TNFSF4: variants seen among roughly 807,000 people sequenced by gnomAD.
TNFSF4 encodes TNF superfamily member 4.
A neutral mutation model predicts 7.3 loss-of-function variants in TNFSF4; 4 were observed. The ratio of observed to expected loss-of-function variants is 0.55; its 90% CI spans 0.27 to 1.25. The LOEUF is 1.25. Among genes scored for constraint, TNFSF4 ranks in the 50% most tolerant of loss-of-function variants. The pLI is 0.12. For synonymous variants in TNFSF4, 76 were observed against 83.7 expected (o/e 0.91, Z 0.50); for missense variants, 181 against 208.8 (o/e 0.87, Z 0.82).
the TNFSF4 span, among the ~76,000 whole-genome samples, chr1:173,313,512 T>C: frequency 3.3e-5 from 5 of 152,120 alleles, no homozygotes; most frequent in Admixed American, 6.6e-5. Context: ...GTATATTTTA[T>C]CATCTCTCAT....
chr1:173,423,583 C>A, the TNFSF4 span, among the ~76,000 whole-genome samples: 2 of 152,150 alleles, frequency 1.3e-5, no homozygotes, highest in Non-Finnish European at 2.9e-5. Context: ...GGAAAGAAGT[C>A]CCCTAGGAAG....
chr1:173,260,405 C>A, the TNFSF4 span, among the ~76,000 whole-genome samples: 1 of 152,242 alleles, frequency 6.6e-6, no homozygotes, highest in African/African-American at 2.4e-5. Context: ...GTAGGCAGAC[C>A]AATGACACTA....
chr1:173,335,908 A>T, the TNFSF4 span, among the ~76,000 whole-genome samples: 2 of 152,218 alleles, frequency 1.3e-5, no homozygotes, highest in Non-Finnish European at 2.9e-5. Flanking sequence ...GGACTACTGA[A>T]CACTGGTTCT....
the TNFSF4 span, among the ~76,000 whole-genome samples, chr1:173,226,328 T>TA: frequency 3.3e-5 from 5 of 152,332 alleles, no homozygotes; most frequent in Admixed American, 3.3e-4. Flanking sequence ...GGGGATGTGA[T>TA]ATGTACACAC....
the TNFSF4 span, among the ~76,000 whole-genome samples, chr1:173,443,176 G>T: frequency 6.6e-6 from 1 of 152,176 alleles, no homozygotes; most frequent in African/African-American, 2.4e-5. Flanking sequence ...ATGTGGTTAT[G>T]CAGAAAAGAT....
chr1:173,371,626 C>T, the TNFSF4 span, among the ~76,000 whole-genome samples: 1 of 152,040 alleles, frequency 6.6e-6, no homozygotes, highest in Non-Finnish European at 1.5e-5. Context: ...TGCAACAGTC[C>T]CTGCCACACC....
intron 1 of TNFSF4, among the ~76,000 whole-genome samples, chr1:173,194,808 T>A (rs1263421485): frequency 6.7e-6 from 1 of 148,508 alleles, no homozygotes; most frequent in Non-Finnish European, 1.5e-5. Flanking sequence ...GGTGGGAGGA[T>A]CGCTTGAGCC....
At chr1:173,195,011 AC>A (rs1483584453) in intron 1 of TNFSF4, among the ~76,000 whole-genome samples, 1 of 152,148 alleles carries the variant, frequency 6.6e-6, no homozygotes, top group Non-Finnish European at 1.5e-5. Flanking sequence ...AAGAATAACT[AC>A]CCATATTTTA....
At chr1:173,373,965 T>C in the TNFSF4 span, among the ~76,000 whole-genome samples, 1 of 152,148 alleles carries the variant, frequency 6.6e-6, no homozygotes, top group African/African-American at 2.4e-5. Context: ...AGGGATACAA[T>C]ATCACCTTCA....
chr1:173,449,167 T>G, the TNFSF4 span, among the ~76,000 whole-genome samples: 1 of 152,106 alleles, frequency 6.6e-6, no homozygotes, highest in Non-Finnish European at 1.5e-5. Flanking sequence ...CTCCTGCTCC[T>G]GCTCTCACCA....
the TNFSF4 span, among the ~76,000 whole-genome samples, chr1:173,348,805 T>C: frequency 1.3e-5 from 2 of 152,160 alleles, no homozygotes; most frequent in Non-Finnish European, 2.9e-5. Flanking sequence ...AAATGGGCAA[T>C]GTAACCATAG....
the TNFSF4 span, among the ~76,000 whole-genome samples, chr1:173,294,405 G>T: frequency 3.2e-3 from 486 of 151,998 alleles, 5 homozygotes; most frequent in African/African-American, 0.01. Flanking sequence ...TAAACATTAA[G>T]TACACTCAGA....
At chr1:173,402,302 T>C in the TNFSF4 span, among the ~76,000 whole-genome samples, 1 of 152,322 alleles carries the variant, frequency 6.6e-6, no homozygotes, top group Admixed American at 6.5e-5. Flanking sequence ...CCACTTCACC[T>C]ACTATTAATT....
chr1:173,330,448 T>C, the TNFSF4 span, among the ~76,000 whole-genome samples: 1 of 152,082 alleles, frequency 6.6e-6, no homozygotes, highest in African/African-American at 2.4e-5. Context: ...CCTAATTTTA[T>C]AAGTGATAAA....
At chr1:173,223,671 C>T in the TNFSF4 span, among the ~76,000 whole-genome samples, 7 of 152,298 alleles carry the variant, frequency 4.6e-5, no homozygotes, top group South Asian at 1.5e-3. Flanking sequence ...TGGAACTTTT[C>T]CTTGTGTATT....
chr1:173,349,783 T>G, the TNFSF4 span, among the ~76,000 whole-genome samples: 4 of 152,170 alleles, frequency 2.6e-5, no homozygotes, highest in Non-Finnish European at 5.9e-5. Flanking sequence ...CAAAAACTCT[T>G]TATAGATTTT....
chr1:173,370,822 C>T, the TNFSF4 span, among the ~76,000 whole-genome samples: 2 of 152,182 alleles, frequency 1.3e-5, no homozygotes, highest in Non-Finnish European at 2.9e-5. Flanking sequence ...GGCCCTCAGA[C>T]AAACAAACCT....
the TNFSF4 span, among the ~76,000 whole-genome samples, chr1:173,300,068 T>C: frequency 2.0e-5 from 3 of 151,666 alleles, no homozygotes; most frequent in Non-Finnish European, 4.4e-5. Flanking sequence ...TTATTGCTCA[T>C]TATAATCCCC....
chr1:173,197,599 C>T (rs1407847371), intron 1 of TNFSF4, among the ~76,000 whole-genome samples: 1 of 152,156 alleles, frequency 6.6e-6, no homozygotes, highest in Non-Finnish European at 1.5e-5. Flanking sequence ...AACAGAAAAA[C>T]ACCGCATGTT....
Sources: gnomAD v4.1 joint callset for allele counts (sites outside exome capture counted in the v4.1 genomes callset) on GRCh38, gnomAD v4.1.1 for gene constraint, MANE v1.5 for transcripts, NCBI Gene and HGNC (gene_info 2026-07-23, HGNC 2026-07-21) for gene names.